SLC10A7: variants seen among roughly 807,000 people sequenced by gnomAD.
The protein encoded by SLC10A7 is solute carrier family 10 member 7, also known as sodium/bile acid cotransporter 7.
A neutral mutation model predicts 43.2 loss-of-function variants in SLC10A7; 29 were observed. That is an observed-to-expected ratio of 0.67 (90% CI 0.50 to 0.92). The LOEUF (loss-of-function observed/expected upper bound fraction) is 0.92. SLC10A7 is among the 40% of genes least tolerant of loss of function. The probability of loss-of-function intolerance (pLI) is 0.00; values close to 1 mark genes in which losing one functional copy is unlikely to be tolerated. For synonymous variants in SLC10A7, 152 were observed against 144.8 expected, an observed-to-expected ratio of 1.05 and a Z score of -0.35; for missense variants, 295 against 403.2, an observed-to-expected ratio of 0.73 and a Z score of 2.30.
chr4:146,268,861 T>A (rs1728724342), intron 10 of SLC10A7, among the ~76,000 whole-genome samples: 1 of 152,052 alleles, frequency 6.6e-6, no homozygotes, highest in African/African-American at 2.4e-5. Flanking sequence ...TTAGGAACCC[T>A]AAAAAAGGGG....
intron 9 of SLC10A7, among the ~76,000 whole-genome samples, chr4:146,291,898 T>C (rs1190936671): frequency 6.6e-6 from 1 of 152,190 alleles, no homozygotes; most frequent in Admixed American, 6.5e-5. Flanking sequence ...TTTGTGGCAT[T>C]CCCATGGTAA....
intron 5 of SLC10A7, among the ~76,000 whole-genome samples, chr4:146,425,554 C>T (rs200323446): frequency 1.1e-4 from 17 of 152,148 alleles, no homozygotes; most frequent in Admixed American, 6.5e-4. Context: ...CAACTATAGA[C>T]GATACAAAAT....
chr4:146,364,461 G>A (rs2149768750), intron 5 of SLC10A7, among the ~76,000 whole-genome samples: 1 of 152,182 alleles, frequency 6.6e-6, no homozygotes, highest in East Asian at 1.9e-4. Flanking sequence ...AAATTGAGGA[G>A]GAAGAATAGA....
chr4:146,410,919 C>T (rs1192977460), intron 5 of SLC10A7, among the ~76,000 whole-genome samples: 4 of 152,012 alleles, frequency 2.6e-5, no homozygotes, highest in East Asian at 1.9e-4. Context: ...CTGCAACCTC[C>T]GCCTCTCCAG....
At chr4:146,355,930 C>A (rs977323591) in intron 5 of SLC10A7, among the ~76,000 whole-genome samples, 2 of 150,308 alleles carry the variant, frequency 1.3e-5, no homozygotes, top group African/African-American at 4.9e-5. Context: ...GGGAGACATA[C>A]CTAATGCTAG....
chr4:146,447,686 T>C (rs534476346), intron 4 of SLC10A7, among the ~76,000 whole-genome samples: 1 of 151,848 alleles, frequency 6.6e-6, no homozygotes, highest in Non-Finnish European at 1.5e-5. Context: ...AAAAAGTTCA[T>C]ATTGAGATTT....
intron 4 of SLC10A7, among the ~76,000 whole-genome samples, chr4:146,489,069 T>C (rs558104436): frequency 1.3e-5 from 2 of 152,330 alleles, no homozygotes; most frequent in East Asian, 3.9e-4. Context: ...CAATAGCCTG[T>C]GCTAAATGTG....
chr4:146,417,960 C>T (rs1328240735), intron 5 of SLC10A7, among the ~76,000 whole-genome samples: 2 of 151,966 alleles, frequency 1.3e-5, no homozygotes, highest in African/African-American at 2.4e-5. Flanking sequence ...CCTCTCTCTC[C>T]TCCCTGGGGA....
intron 5 of SLC10A7, among the ~76,000 whole-genome samples, chr4:146,386,765 T>G (rs1296752674): frequency 6.6e-6 from 1 of 152,226 alleles, no homozygotes; most frequent in African/African-American, 2.4e-5. Context: ...TAAATATTCC[T>G]TCAGTTATAT....
intron 4 of SLC10A7, among the ~76,000 whole-genome samples, chr4:146,451,878 C>T (rs1009699958): frequency 2.6e-5 from 4 of 152,062 alleles, no homozygotes; most frequent in Non-Finnish European, 5.9e-5. Context: ...ACACTTCTTC[C>T]TGCCGAGAGC....
intron 4 of SLC10A7, among the ~76,000 whole-genome samples, chr4:146,451,309 C>A (rs75464486): frequency 8.2e-4 from 120 of 145,568 alleles, no homozygotes; most frequent in African/African-American, 3.0e-3. Flanking sequence ...TTTTAAAGAA[C>A]TATTACCAAT....
At chr4:146,395,030 CAT>C (rs1274344593) in intron 5 of SLC10A7, among the ~76,000 whole-genome samples, 1 of 152,090 alleles carries the variant, frequency 6.6e-6, no homozygotes, top group Non-Finnish European at 1.5e-5. Flanking sequence ...ACTCTCACTC[CAT>C]GTTTCCATGT....
intron 5 of SLC10A7, among the ~76,000 whole-genome samples, chr4:146,350,117 G>T (rs1337302298): frequency 2.7e-5 from 4 of 150,704 alleles, no homozygotes; most frequent in African/African-American, 9.7e-5. Context: ...TCCATCTGAG[G>T]TACCGGGTTC....
intron 5 of SLC10A7, among the ~76,000 whole-genome samples, chr4:146,394,694 T>A (rs1171205506): frequency 6.6e-6 from 1 of 152,082 alleles, no homozygotes; most frequent in African/African-American, 2.4e-5. Flanking sequence ...TACTGTATAC[T>A]GATTTAGGGA....
chr4:146,309,497 T>A (rs996665034), intron 6 of SLC10A7, among the ~76,000 whole-genome samples: 1 of 152,108 alleles, frequency 6.6e-6, no homozygotes, highest in African/African-American at 2.4e-5. Flanking sequence ...GAATTGGTAT[T>A]TTTAACAAGA....
intron 5 of SLC10A7, among the ~76,000 whole-genome samples, chr4:146,440,747 A>C (rs1028343185): frequency 5.3e-5 from 8 of 152,168 alleles, no homozygotes; most frequent in African/African-American, 1.9e-4. Flanking sequence ...TTCACTCTCA[A>C]ACTCTCTCTG....
intron 5 of SLC10A7, among the ~76,000 whole-genome samples, chr4:146,369,279 C>T (rs1367815089): frequency 1.3e-5 from 2 of 152,148 alleles, no homozygotes; most frequent in East Asian, 3.8e-4. Context: ...ACAGTGATAA[C>T]AACAGCTTCT....
At chr4:146,380,153 A>T (rs951526666) in intron 5 of SLC10A7, among the ~76,000 whole-genome samples, 1 of 152,142 alleles carries the variant, frequency 6.6e-6, no homozygotes, top group African/African-American at 2.4e-5. Context: ...CTTTTGTTTA[A>T]AACCAGGTAT....
Position 146,518,390 on chromosome 4 carries a change from T to C in SLC10A7, c.101-1270A>G, listed in dbSNP as rs1435813088. Among the ~76,000 whole-genome samples, 4 of 152,180 alleles carry C rather than the reference T, an allele frequency of 2.6e-5. No individual in the cohort carries two copies. In the South Asian group the frequency reaches 6.2e-4, roughly 24 times the overall value. On this transcript the variant is annotated intron_variant, in intron 1 of 11. Transcript: ENST00000335472. ...TAGAGATCAGGAATTCTATTAAACA[T>C]CTTGGAAGGCATAGAACAGCCCCTC... is the stretch of plus-strand genomic sequence containing the variant.
Sources: gnomAD v4.1 joint callset for allele counts (sites outside exome capture counted in the v4.1 genomes callset) on GRCh38, gnomAD v4.1.1 for gene constraint, MANE v1.5 for transcripts, NCBI Gene and HGNC (gene_info 2026-07-23, HGNC 2026-07-21) for gene names.